RFC3: variants seen among roughly 807,000 people sequenced by gnomAD.
RFC3 encodes replication factor C subunit 3.
A neutral mutation model predicts 45.1 loss-of-function variants in RFC3; 41 were observed. That is an observed-to-expected ratio of 0.91 (90% CI 0.71 to 1.18). RFC3 has a LOEUF of 1.18. RFC3 is among the 50% of genes most tolerant of loss of function. The pLI is 0.00. For synonymous variants in RFC3, 149 were observed against 144.0 expected (o/e 1.03, Z -0.25); for missense variants, 423 against 428.1 (o/e 0.99, Z 0.10).
Position 33,836,795 on chromosome 13 carries a change from G to T in RFC3, c.*500G>T. ...CATAATTATTGGTATGGACAAAATT[G>T]CAGATACCATTTCTGTTGAGGCTGC... On this transcript the variant is annotated 3_prime_UTR_variant, in exon 9 of 9. Transcript: ENST00000380071. 1.0e-6 allele frequency: 1 copy of T among 985,764 alleles called. No homozygotes were observed. Among genetic ancestry groups the T allele is most frequent in the Non-Finnish European group, 1.2e-6 (1 of 830,144 alleles). 61.1% of individuals were successfully genotyped at this position (985,764 alleles called of 1,614,324 possible). A position where few individuals can be genotyped will look rare whatever the true frequency, so the allele number is the denominator to read the frequency against.
chr13:33,971,142 A>G (rs1267849651), downstream of RFC3, among the ~76,000 whole-genome samples: 1 of 152,228 alleles, frequency 6.6e-6, no homozygotes, highest in Non-Finnish European at 1.5e-5. Context: ...TCTTTTAAAT[A>G]TATTTTAAGA....
At chr13:33,908,838 C>G (rs2082687722) in intron 8 of RFC3, among the ~76,000 whole-genome samples, 1 of 151,980 alleles carries the variant, frequency 6.6e-6, no homozygotes, top group Middle Eastern at 3.2e-3. Context: ...CCAAGAAGAG[C>G]CAAAGTTTTA....
At chr13:33,923,739 T>A (rs140930509) in intron 8 of RFC3, among the ~76,000 whole-genome samples, 1 of 152,216 alleles carries the variant, frequency 6.6e-6, no homozygotes, top group Non-Finnish European at 1.5e-5. Context: ...GCTCTATCAC[T>A]CCTAGTTGGT....
chr13:33,938,687 T>G (rs1274020558), intron 8 of RFC3, among the ~76,000 whole-genome samples: 5 of 150,554 alleles, frequency 3.3e-5, no homozygotes, highest in South Asian at 2.1e-4. Context: ...TACATTTCAG[T>G]TTTTTTTTGC....
intron 8 of RFC3, among the ~76,000 whole-genome samples, chr13:33,904,089 A>G (rs999267034): frequency 1.1e-4 from 16 of 151,876 alleles, no homozygotes; most frequent in African/African-American, 3.4e-4. Context: ...GAATTTGAAC[A>G]TACTAAAATT....
intron 8 of RFC3, among the ~76,000 whole-genome samples, chr13:33,915,881 C>T (rs1370167008): frequency 2.0e-5 from 3 of 152,072 alleles, no homozygotes; most frequent in African/African-American, 7.2e-5. Flanking sequence ...TCATTGCAAC[C>T]TCTGCCTCTG....
chr13:33,935,776 C>T (rs989707141), intron 8 of RFC3, among the ~76,000 whole-genome samples: 1 of 152,186 alleles, frequency 6.6e-6, no homozygotes. Flanking sequence ...ATTAGCATTT[C>T]ACCTGGTCTG....
chr13:33,893,068 G>C (rs2082573530), intron 8 of RFC3, among the ~76,000 whole-genome samples: 1 of 152,180 alleles, frequency 6.6e-6, no homozygotes, highest in Non-Finnish European at 1.5e-5. Context: ...ACTGAGGACA[G>C]GCCGAGAGAA....
chr13:33,925,431 CATACATACATA>C, intron 8 of RFC3, among the ~76,000 whole-genome samples: 1 of 130,286 alleles, frequency 7.7e-6, no homozygotes, highest in Admixed American at 7.6e-5. Flanking sequence ...GTACTATATA[CATACATACATA>C]GTGTACTATA....
At chr13:33,973,840 G>A in the RFC3 span, among the ~76,000 whole-genome samples, 18 of 151,808 alleles carry the variant, frequency 1.2e-4, no homozygotes, top group Admixed American at 1.2e-3. Flanking sequence ...TAGTAGAGAT[G>A]GGGTTTTACC....
intron 8 of RFC3, among the ~76,000 whole-genome samples, chr13:33,905,616 C>T (rs2082667755): frequency 6.6e-6 from 1 of 152,018 alleles, no homozygotes; most frequent in South Asian, 2.1e-4. Flanking sequence ...ACAACCTCTT[C>T]CCCTATAATA....
chr13:33,898,519 G>T (rs1367049653), intron 8 of RFC3, among the ~76,000 whole-genome samples: 1 of 151,808 alleles, frequency 6.6e-6, no homozygotes, highest in African/African-American at 2.4e-5. Context: ...GTGTTAAGAG[G>T]AAAGTTTATA....
intron 8 of RFC3, among the ~76,000 whole-genome samples, chr13:33,900,533 AC>A (rs535651331): frequency 9.5e-5 from 14 of 147,896 alleles, no homozygotes; most frequent in Non-Finnish European, 1.6e-4. Context: ...AGAAAAAAAA[AC>A]GTATTAAGAC....
chr13:33,877,631 G>A (rs2082457003), intron 8 of RFC3, among the ~76,000 whole-genome samples: 1 of 151,050 alleles, frequency 6.6e-6, no homozygotes, highest in Non-Finnish European at 1.5e-5. Flanking sequence ...CTTTTATTAT[G>A]TTATTACATA....
At chr13:33,904,437 C>T (rs1312868480) in intron 8 of RFC3, among the ~76,000 whole-genome samples, 2 of 151,976 alleles carry the variant, frequency 1.3e-5, no homozygotes, top group Admixed American at 1.3e-4. Context: ...TCCCTTGGCC[C>T]CTGTAAATTC....
chr13:33,910,805 G>A (rs1347861571), intron 8 of RFC3, among the ~76,000 whole-genome samples: 4 of 152,036 alleles, frequency 2.6e-5, no homozygotes, highest in East Asian at 1.9e-4. Flanking sequence ...CATGATGCTG[G>A]CATCTGCTCA....
chr13:33,828,940 C>T (rs1277410766), intron 4 of RFC3, among the ~76,000 whole-genome samples: 6 of 152,128 alleles, frequency 3.9e-5, no homozygotes, highest in Admixed American at 2.0e-4. Flanking sequence ...CCTCCCACAC[C>T]GTTGCTGATA....
intron 1 of RFC3, 21 bp downstream of exon 1, chr13:33,818,286 A>G: frequency 6.2e-7 from 1 of 1,607,650 alleles, no homozygotes; most frequent in Non-Finnish European, 8.5e-7. Flanking sequence ...GGGGGCCGGG[A>G]GCGTGGGAGA....
At chr13:33,939,754 A>G (rs2082911904) in intron 8 of RFC3, among the ~76,000 whole-genome samples, 1 of 152,068 alleles carries the variant, frequency 6.6e-6, no homozygotes, top group African/African-American at 2.4e-5. Flanking sequence ...GTCTGTACTA[A>G]CTCTGGGTAG....
Sources: gnomAD v4.1 joint callset for allele counts (sites outside exome capture counted in the v4.1 genomes callset) on GRCh38, gnomAD v4.1.1 for gene constraint, MANE v1.5 for transcripts, NCBI Gene and HGNC (gene_info 2026-07-23, HGNC 2026-07-21) for gene names.